Variants in TDRD5 observed in about 807,000 individuals in gnomAD.
The protein encoded by TDRD5 is tudor domain-containing protein 5.
A neutral mutation model predicts 120.6 loss-of-function variants in TDRD5; 41 were observed. That is an observed-to-expected ratio of 0.34 (90% CI 0.26 to 0.44). The LOEUF is 0.44. Ranked by LOEUF, TDRD5 falls within the 20% of genes least tolerant of loss-of-function variation. The probability of loss-of-function intolerance (pLI) is 1.00; values close to 1 mark genes in which losing one functional copy is unlikely to be tolerated. For synonymous variants in TDRD5, 430 were observed against 433.7 expected (o/e 0.99, Z 0.11); for missense variants, 1,006 against 1,221.2 (o/e 0.82, Z 2.63).
rs1481539659 is a variant in TDRD5, at chr1:179,610,385, AT to A, written c.832-8212del. On this transcript the variant is annotated intron_variant, in intron 4 of 17. Coordinates refer to ENST00000444136, the MANE Select transcript of TDRD5 (RefSeq NM_001199085.3). ...AGCTGGCTAACTGCATGCTTGTCAA[AT>A]TCTTTTTCTTTGAAATTCAGAAAGA... Among the ~76,000 whole-genome samples the A allele has an allele frequency of 2.0e-5, 3 of 152,136 alleles. No homozygotes were observed. The East Asian group carries it at 5.8e-4, about 29-fold the overall frequency.
At chr1:179,608,287 TTCATTGAGCTTCTTATA>T (rs974929010) in intron 4 of TDRD5, among the ~76,000 whole-genome samples, 89 of 152,188 alleles carry the variant, frequency 5.8e-4, no homozygotes, top group African/African-American at 2.0e-3. Flanking sequence ...CTGCATGAGA[TTCATTGAGCTTCTTATA>T]TCATTGAGCT....
At chr1:179,671,438 T>C (rs1168828637) in intron 17 of TDRD5, among the ~76,000 whole-genome samples, 1 of 152,192 alleles carries the variant, frequency 6.6e-6, no homozygotes, top group Non-Finnish European at 1.5e-5. Context: ...ATTCTCATCT[T>C]AACAATATTA....
chr1:179,612,027 G>C (rs1316134666), intron 4 of TDRD5, among the ~76,000 whole-genome samples: 1 of 152,096 alleles, frequency 6.6e-6, no homozygotes, highest in Non-Finnish European at 1.5e-5. Context: ...CAAAACTGTA[G>C]ATCTATTAGT....
At chr1:179,636,783 C>G (rs939952224) in intron 9 of TDRD5, among the ~76,000 whole-genome samples, 1 of 152,148 alleles carries the variant, frequency 6.6e-6, no homozygotes, top group Admixed American at 6.5e-5. Context: ...TTCCAAAATC[C>G]TTTTACTCGA....
intron 17 of TDRD5, among the ~76,000 whole-genome samples, chr1:179,670,838 T>A (rs1679821005): frequency 6.6e-6 from 1 of 152,246 alleles, no homozygotes; most frequent in Non-Finnish European, 1.5e-5. Context: ...GTCTGTGGCT[T>A]GCCTTTTAGT....
In TDRD5 at chr1:179,650,021, G is replaced by T. The variant is rs1572398230; in HGVS notation, c.1801-846G>T. Among the ~76,000 whole-genome samples, 11 of 152,262 alleles carry T rather than the reference G, an allele frequency of 7.2e-5. 1 individual carries two copies. In the South Asian group the frequency reaches 2.3e-3, roughly 32 times the overall value. ...TTTCTTCCTCCCTTACCCTGAGAGTGTATCTCCTTAGGGACTCAGTTTAAT... is the reference window on the plus strand; with the variant it reads ...TTTCTTCCTCCCTTACCCTGAGAGTTTATCTCCTTAGGGACTCAGTTTAAT... On this transcript the variant is annotated intron_variant, in intron 11 of 17. Transcript: ENST00000444136.
intron 6 of TDRD5, 31 bp from the exon 7 acceptor site, chr1:179,630,736 G>T: frequency 7.5e-6 from 12 of 1,606,652 alleles, no homozygotes; most frequent in Non-Finnish European, 9.4e-6. Context: ...ATCTAATGCT[G>T]TTTCATGTAA....
chr1:179,609,227 C>A (rs374637899), intron 4 of TDRD5, among the ~76,000 whole-genome samples: 1 of 152,092 alleles, frequency 6.6e-6, no homozygotes, highest in East Asian at 1.9e-4. Context: ...GGTTGAGTAT[C>A]CCTTATCTGA....
rs746397992 is a variant in TDRD5, at chr1:179,663,390, T to G, written c.2548T>G (p.Trp850Gly). 2 of 1,613,812 alleles carry G rather than the reference T, an allele frequency of 1.2e-6. No individual in the cohort carries two copies. The highest frequency in any genetic ancestry group is 1.7e-6 in the Non-Finnish European group (2 of 1,179,880). The part of the protein sequence containing the change: ...STPKDTWDDS[W>G]QPSGLVNGTK... ...CCCTAAAGATACATGGGATGATTCT[T>G]GGCAGCCTTCAGGCCTTGTAAATGG... Residue 850 changes from tryptophan (W) to glycine (G), a missense_variant, in exon 16 of 18, where the codon TGG becomes GGG. This residue lies in a region of TDRD5 where 403 missense variants were observed against 448.1 expected (regional missense o/e 0.90). Coordinates refer to ENST00000444136, the MANE Select transcript of TDRD5 (RefSeq NM_001199085.3).
chr1:179,592,762 G>GT lies in TDRD5; in HGVS notation c.148dup (p.Tyr50LeufsTer13). 1 of 1,614,166 alleles carries GT rather than the reference G, an allele frequency of 6.2e-7. No individual in the cohort carries two copies. On this transcript the variant is annotated frameshift_variant, in exon 2 of 18. Transcript: ENST00000444136. LOFTEE classifies it high-confidence loss of function. ...ACCATCTACCACTCCGAATCCTTGG[G>GT]TATCGGTCCACTATGGAGCTGGTAT...
At chr1:179,620,535 A>T (rs577683783) in intron 5 of TDRD5, among the ~76,000 whole-genome samples, 5 of 152,152 alleles carry the variant, frequency 3.3e-5, no homozygotes, top group African/African-American at 1.2e-4. Flanking sequence ...CTTTGGTATG[A>T]TATTTAAAAG....
At chr1:179,646,328 A>G (rs1025913623) in intron 11 of TDRD5, among the ~76,000 whole-genome samples, 1 of 152,234 alleles carries the variant, frequency 6.6e-6, no homozygotes, top group African/African-American at 2.4e-5. Context: ...AAGAAATTGC[A>G]TAAAATAATG....
chr1:179,674,963 C>A (rs963451299), intron 17 of TDRD5, among the ~76,000 whole-genome samples: 1 of 152,020 alleles, frequency 6.6e-6, no homozygotes, highest in Non-Finnish European at 1.5e-5. Context: ...AATGGTCTTT[C>A]AATTTTTATC....
intron 4 of TDRD5, among the ~76,000 whole-genome samples, chr1:179,599,707 A>T (rs1452976777): frequency 6.6e-6 from 1 of 152,054 alleles, no homozygotes. Context: ...TCTCTCATAC[A>T]CATATCAGTC....
chr1:179,653,644 A>G (rs1300510468), intron 13 of TDRD5, among the ~76,000 whole-genome samples: 2 of 152,298 alleles, frequency 1.3e-5, no homozygotes, highest in Non-Finnish European at 1.5e-5. Context: ...TCAAATAATC[A>G]TAGTTTTATT....
intron 17 of TDRD5, among the ~76,000 whole-genome samples, chr1:179,670,347 G>A (rs1279597456): frequency 1.3e-5 from 2 of 151,370 alleles, no homozygotes; most frequent in African/African-American, 2.4e-5. Flanking sequence ...AGCCGAGATC[G>A]TGCCACTACA....
chr1:179,648,510 GA>G, intron 11 of TDRD5, among the ~76,000 whole-genome samples: 1 of 142,952 alleles, frequency 7.0e-6, no homozygotes, highest in African/African-American at 2.6e-5. Context: ...CGAGTTAGTG[GA>G]TGCGGCGCAC....
intron 6 of TDRD5, among the ~76,000 whole-genome samples, chr1:179,626,060 G>A (rs537772617): frequency 6.6e-6 from 1 of 151,854 alleles, no homozygotes; most frequent in African/African-American, 2.4e-5. Context: ...TCTGGGGCCT[G>A]TTGTGGGGTG....
At chr1:179,619,679 G>A (rs760093425) in intron 5 of TDRD5, among the ~76,000 whole-genome samples, 5 of 151,386 alleles carry the variant, frequency 3.3e-5, no homozygotes, top group East Asian at 3.9e-4. Flanking sequence ...CTGGAATGCC[G>A]TGGTGCAATC....
Sources: gnomAD v4.1 joint callset for allele counts (sites outside exome capture counted in the v4.1 genomes callset) on GRCh38, gnomAD v4.1.1 for gene constraint, gnomAD v4.1.1 regional missense constraint, MANE v1.5 for transcripts, NCBI Gene and HGNC (gene_info 2026-07-23, HGNC 2026-07-21) for gene names.